The following TK1 variants were observed in gnomAD, a reference collection of about 807,000 sequenced individuals.
TK1 encodes the protein thymidine kinase, cytosolic.
Under a neutral mutation model 22.4 loss-of-function variants are expected in TK1, and 13 were observed. That is an observed-to-expected ratio of 0.58 (90% CI 0.38 to 0.92). The LOEUF is 0.92. TK1 is among the 40% of genes least tolerant of loss of function. The pLI, the probability that TK1 is intolerant of heterozygous loss-of-function variation, is 0.00. For synonymous variants in TK1, 134 were observed against 125.4 expected, an observed-to-expected ratio of 1.07 and a Z score of -0.46; for missense variants, 251 against 315.7, an observed-to-expected ratio of 0.80 and a Z score of 1.55.
chr17:78,177,305 T>TTTCCACATCCA (rs1434139990), intron 4 of TK1, among the ~76,000 whole-genome samples: 1 of 152,190 alleles, frequency 6.6e-6, no homozygotes, highest in Non-Finnish European at 1.5e-5. Context: ...ACACCTGACC[T>TTTCCACATCCA]CATGGGACAG....
Position 78,174,967 on chromosome 17 carries a change from G to C in TK1, c.514-17C>G, listed in dbSNP as rs1213611419. The C allele has an allele frequency of 1.2e-6, 2 of 1,611,588 alleles. 1 individual carries two copies. Among genetic ancestry groups the C allele is most frequent in the Non-Finnish European group, 1.7e-6 (2 of 1,178,332 alleles). On this transcript the variant is annotated splice_polypyrimidine_tract_variant and intron_variant, in intron 6 of 6. Coordinates refer to ENST00000301634, the MANE Select transcript of TK1 (RefSeq NM_003258.5). ...CACCTCGACCTGGCCGCAGGGACAG[G>C]GGATGGGTGAAGGGCCAGGACAGGA...
chr17:78,177,603 T>G (rs2075709943), intron 4 of TK1, among the ~76,000 whole-genome samples: 1 of 150,926 alleles, frequency 6.6e-6, no homozygotes. Context: ...AGACGGAGTC[T>G]CGCTCTGTCG....
chr17:78,182,668 G>A lies in TK1; in HGVS notation c.224C>T (p.Ala75Val), dbSNP rs746414831. The A allele has an allele frequency of 1.9e-6, 3 of 1,580,646 alleles. No homozygotes were observed. The highest frequency in any genetic ancestry group is 1.7e-6 in the Non-Finnish European group (2 of 1,167,094). The stretch of plus-strand genomic sequence containing the variant: ...GTCTCGGAGCAGGCAGGCGGGCAGT[G>A]CCTCCATGGTGTTCCTGGGAAGAGA... ...FCTHDRNTME[A>V]LPACLLRDVA... The change falls in exon 4 of 7, where the codon GCA becomes GTA. Residue 75 changes from alanine (A) to valine (V), a missense_variant. Ala to Val is a moderately conservative substitution (Grantham distance 64, BLOSUM62 0). Coordinates refer to ENST00000301634, the MANE Select transcript of TK1 (RefSeq NM_003258.5).
Position 78,186,805 on chromosome 17 carries a change from G to C in TK1, c.80C>G (p.Pro27Arg). ...TRGQIQVILG[P>R]MFSGKSTELM... is the part of the protein sequence containing the mutation. ...CCATTACCTTTTTCCTGAGAACATCGGCCCGAGAATCACCTAGGAGAGAAG... is the reference window on the plus strand; with the variant it reads ...CCATTACCTTTTTCCTGAGAACATCCGCCCGAGAATCACCTAGGAGAGAAG... The change falls in exon 2 of 7, where the codon CCG becomes CGG. Residue 27 changes from proline (P) to arginine (R), a missense_variant. Transcript: ENST00000301634. 1.9e-6 allele frequency: 3 copies of C among 1,586,204 alleles called. No homozygotes were observed. Among genetic ancestry groups the C allele is most frequent in the Non-Finnish European group, 2.6e-6 (3 of 1,166,640 alleles).
chr17:78,186,643 G>T, intron 2 of TK1, 144 bp downstream of exon 2: 1 of 841,684 alleles, frequency 1.2e-6, no homozygotes, highest in Non-Finnish European at 1.8e-6. Context: ...GCTGTAGGAG[G>T]CTGTGCTGGT....
At chr17:78,177,471 T>C (rs1052213873) in intron 4 of TK1, among the ~76,000 whole-genome samples, 1 of 152,232 alleles carries the variant, frequency 6.6e-6, no homozygotes, top group African/African-American at 2.4e-5. Context: ...CATGCAAATA[T>C]TCGAAAACCT....
chr17:78,175,031 G>C lies in TK1; in HGVS notation c.513+19C>G. 6.2e-7 allele frequency: 1 copy of C among 1,612,516 alleles called. No individual in the cohort carries two copies. The highest frequency in any genetic ancestry group is 1.1e-5 in the South Asian group (1 of 90,974). ...ATACCCCCACCCCGCCGGCCTGCAG[G>C]GAAGGCAGGTGGAGCTACCTCCTTC... On this transcript the variant is annotated intron_variant, in intron 6 of 6. Transcript: ENST00000301634.
chr17:78,178,461 C>T (rs961270596), intron 4 of TK1, among the ~76,000 whole-genome samples: 5 of 152,188 alleles, frequency 3.3e-5, no homozygotes, highest in Non-Finnish European at 7.3e-5. Flanking sequence ...ACGGTGGCTA[C>T]TCTGTGAAAG....
intron 4 of TK1, among the ~76,000 whole-genome samples, chr17:78,178,864 C>T (rs534777274): frequency 2.6e-5 from 4 of 152,198 alleles, no homozygotes; most frequent in African/African-American, 9.6e-5. Flanking sequence ...AGGCTGGTGA[C>T]CCGGAACTTC....
intron 4 of TK1, among the ~76,000 whole-genome samples, chr17:78,181,273 C>T (rs546475190): frequency 6.6e-6 from 1 of 151,970 alleles, no homozygotes; most frequent in South Asian, 2.1e-4. Context: ...AAAGGCCGGG[C>T]ACGGCGGCTC....
At chr17:78,179,820 A>C in intron 4 of TK1, 1 of 931,758 alleles carries the variant, frequency 1.1e-6, no homozygotes, top group Non-Finnish European at 1.3e-6. Context: ...CTGTAATCCC[A>C]GCACTTTGGG....
intron 4 of TK1, among the ~76,000 whole-genome samples, chr17:78,178,894 AC>A (rs1242422850): frequency 6.6e-6 from 1 of 152,188 alleles, no homozygotes; most frequent in African/African-American, 2.4e-5. Context: ...ACAAGGGCAC[AC>A]AGAGGCCAGG....
chr17:78,186,681 A>G (rs2075799592), intron 2 of TK1, 106 bp downstream of exon 2: 1 of 773,572 alleles, frequency 1.3e-6, no homozygotes, highest in Non-Finnish European at 1.8e-6. Flanking sequence ...AGGGGAGGGA[A>G]GGGAAGGGGA....
At chr17:78,179,349 C>T in intron 4 of TK1, 1 of 985,398 alleles carries the variant, frequency 1.0e-6, no homozygotes, top group Non-Finnish European at 1.2e-6. Context: ...AGGAGTCCCT[C>T]AAGCACGGGG....
intron 2 of TK1, among the ~76,000 whole-genome samples, chr17:78,186,069 T>A (rs1389606435): frequency 6.6e-6 from 1 of 150,896 alleles, no homozygotes; most frequent in Non-Finnish European, 1.5e-5. Flanking sequence ...AAGACCAGCT[T>A]GGGCAACATA....
intron 4 of TK1, among the ~76,000 whole-genome samples, chr17:78,181,329 C>A (rs2075736124): frequency 6.6e-6 from 1 of 152,126 alleles, no homozygotes; most frequent in Non-Finnish European, 1.5e-5. Context: ...GGGTGGATCA[C>A]CTGAGGTCAG....
intron 2 of TK1, 78 bp downstream of exon 2, chr17:78,186,709 G>A: frequency 8.9e-7 from 1 of 1,122,860 alleles, no homozygotes; most frequent in Non-Finnish European, 1.2e-6. Context: ...GGAGGGGAGG[G>A]AAGGGGAGGG....
chr17:78,186,334 A>C (rs1230038219), intron 2 of TK1, among the ~76,000 whole-genome samples: 2 of 152,178 alleles, frequency 1.3e-5, no homozygotes, highest in African/African-American at 4.8e-5. Flanking sequence ...CTATCACCTC[A>C]GGAGAGCAGA....
intron 4 of TK1, 115 bp downstream of exon 4, chr17:78,182,474 C>A: frequency 1.4e-6 from 1 of 726,426 alleles, no homozygotes; most frequent in Non-Finnish European, 2.1e-6. Context: ...CTAGTTGTAG[C>A]TATTTAACCT....
Sources: allele counts gnomAD v4.1 joint callset (sites outside exome capture counted in the v4.1 genomes callset), GRCh38; gene constraint gnomAD v4.1.1; transcripts MANE v1.5; gene names NCBI Gene and HGNC (gene_info 2026-07-23, HGNC 2026-07-21).